Variants in DGKB observed in about 807,000 individuals in gnomAD.
DGKB encodes the protein 90 kDa diacylglycerol kinase.
DGKB carries 67 observed loss-of-function variants against 114.3 expected under a neutral mutation model. That is an observed-to-expected ratio of 0.59 (90% CI 0.48 to 0.72). The LOEUF is 0.72. Ranked by LOEUF, DGKB falls within the 30% of genes least tolerant of loss-of-function variation. The pLI is 0.00. For missense variants in DGKB, 907 were observed against 975.2 expected (o/e 0.93, Z 0.93); for synonymous variants, 398 against 323.1 (o/e 1.23, Z -2.49).
At chr7:14,449,651 T>C (rs1360796053) in intron 21 of DGKB, among the ~76,000 whole-genome samples, 1 of 152,118 alleles carries the variant, frequency 6.6e-6, no homozygotes, top group Non-Finnish European at 1.5e-5. Flanking sequence ...ACTGCTTACA[T>C]CTTTTACCAT....
At chr7:14,247,445 T>C (rs1172767219) in intron 23 of DGKB, among the ~76,000 whole-genome samples, 2 of 152,168 alleles carry the variant, frequency 1.3e-5, no homozygotes, top group Non-Finnish European at 2.9e-5. Context: ...CCATAATGGC[T>C]GTGCCAATTT....
intron 7 of DGKB, among the ~76,000 whole-genome samples, chr7:14,698,498 C>T (rs1416793686): frequency 6.6e-6 from 1 of 152,078 alleles, no homozygotes; most frequent in Admixed American, 6.5e-5. Flanking sequence ...TTTTAAGACA[C>T]TGAATTCCCT....
intron 20 of DGKB, among the ~76,000 whole-genome samples, chr7:14,516,132 G>C (rs1788756008): frequency 1.3e-5 from 2 of 152,134 alleles, no homozygotes; most frequent in African/African-American, 4.8e-5. Flanking sequence ...ACAGGCATGA[G>C]CCACTGTGCT....
chr7:14,592,632 C>A (rs893796965), intron 17 of DGKB, among the ~76,000 whole-genome samples: 5 of 151,750 alleles, frequency 3.3e-5, no homozygotes, highest in Non-Finnish European at 7.4e-5. Context: ...TCTGTACATA[C>A]CTTGGTATCA....
intron 1 of DGKB, among the ~76,000 whole-genome samples, chr7:14,896,077 A>T (rs1379875921): frequency 6.6e-6 from 1 of 151,688 alleles, no homozygotes; most frequent in Non-Finnish European, 1.5e-5. Flanking sequence ...ATCCAAAGGG[A>T]GTTTGATCTA....
intron 21 of DGKB, among the ~76,000 whole-genome samples, chr7:14,400,410 A>G (rs1822920738): frequency 6.6e-6 from 1 of 151,776 alleles, no homozygotes; most frequent in African/African-American, 2.4e-5. Flanking sequence ...TGGCATTTGG[A>G]CATATACTTG....
At chr7:14,226,929 G>GGTCT (rs1328013547) in intron 23 of DGKB, among the ~76,000 whole-genome samples, 24 of 152,018 alleles carry the variant, frequency 1.6e-4, no homozygotes, top group African/African-American at 5.8e-4. Flanking sequence ...ATTTAATGGG[G>GGTCT]GTCTCACTGT....
At chr7:14,692,471 T>C (rs1290764067) in intron 9 of DGKB, among the ~76,000 whole-genome samples, 5 of 152,030 alleles carry the variant, frequency 3.3e-5, no homozygotes, top group African/African-American at 1.2e-4. Flanking sequence ...AATGTCAACA[T>C]TTTGTCAATT....
intron 21 of DGKB, among the ~76,000 whole-genome samples, chr7:14,357,072 G>T (rs945206376): frequency 1.3e-5 from 2 of 152,224 alleles, no homozygotes; most frequent in Admixed American, 6.5e-5. Flanking sequence ...TGTATATTCT[G>T]TTGATTTGGG....
At chr7:14,568,760 C>T (rs1446955209) in intron 20 of DGKB, among the ~76,000 whole-genome samples, 1 of 152,206 alleles carries the variant, frequency 6.6e-6, no homozygotes, top group African/African-American at 2.4e-5. Context: ...ATATTTCTGA[C>T]CTCGGGCTTT....
At chr7:14,183,452 G>A (rs1782934126) in intron 23 of DGKB, among the ~76,000 whole-genome samples, 5 of 152,116 alleles carry the variant, frequency 3.3e-5, no homozygotes, top group Admixed American at 3.3e-4. Context: ...AAAACATAAA[G>A]GCAGGCTTTT....
chr7:14,450,328 T>C (rs1332090822), intron 21 of DGKB, among the ~76,000 whole-genome samples: 2 of 152,116 alleles, frequency 1.3e-5, no homozygotes, highest in African/African-American at 2.4e-5. Context: ...TGTTAGGCCT[T>C]GCTAAATGAT....
At chr7:14,212,628 G>A (rs1410370148) in intron 23 of DGKB, among the ~76,000 whole-genome samples, 2 of 152,036 alleles carry the variant, frequency 1.3e-5, no homozygotes, top group Admixed American at 6.6e-5. Context: ...TTGCAGATGA[G>A]CTACACATTT....
chr7:14,548,215 G>A (rs539292838), intron 20 of DGKB, among the ~76,000 whole-genome samples: 16 of 152,248 alleles, frequency 1.1e-4, no homozygotes, highest in East Asian at 3.9e-4. Context: ...TGAGAACTAC[G>A]TGTCAATGTA....
At chr7:14,948,992 T>C (rs10487788) in intron 1 of DGKB, among the ~76,000 whole-genome samples, 12,515 of 151,294 alleles carry the variant, frequency 0.083, 1,612 homozygotes, top group African/African-American at 0.28. Context: ...CCCAGATGAG[T>C]GATTTAAGAT....
chr7:14,533,627 A>C (rs1198498941), intron 20 of DGKB, among the ~76,000 whole-genome samples: 2 of 151,944 alleles, frequency 1.3e-5, no homozygotes, highest in African/African-American at 4.8e-5. Flanking sequence ...AATGAGAAAC[A>C]TTATAATTAA....
intron 23 of DGKB, among the ~76,000 whole-genome samples, chr7:14,180,674 C>T (rs139166774): frequency 6.6e-6 from 1 of 152,278 alleles, no homozygotes; most frequent in East Asian, 1.9e-4. Flanking sequence ...CATAACACTT[C>T]CACATTTTTT....
chr7:14,292,079 G>A (rs558452536), intron 23 of DGKB, among the ~76,000 whole-genome samples: 2 of 152,208 alleles, frequency 1.3e-5, no homozygotes, highest in Non-Finnish European at 2.9e-5. Context: ...GAAAGCAGCA[G>A]AAAATACAAC....
chr7:14,921,445 C>T (rs150275672), intron 1 of DGKB, among the ~76,000 whole-genome samples: 1 of 152,134 alleles, frequency 6.6e-6, no homozygotes, highest in Non-Finnish European at 1.5e-5. Flanking sequence ...TATACCAAAC[C>T]GAACATCATT....
Sources: gnomAD v4.1 joint callset for allele counts (sites outside exome capture counted in the v4.1 genomes callset) on GRCh38, gnomAD v4.1.1 for gene constraint, MANE v1.5 for transcripts, NCBI Gene and HGNC (gene_info 2026-07-23, HGNC 2026-07-21) for gene names.